MSI2: variants seen among roughly 807,000 people sequenced by gnomAD.
MSI2 encodes the protein musashi RNA binding protein 2, also known as RNA-binding protein Musashi homolog 2.
In MSI2, 17 loss-of-function variants were observed where a neutral mutation model predicts 45.6. The ratio of observed to expected loss-of-function variants is 0.37; its 90% confidence interval spans 0.26 to 0.56. The LOEUF is 0.56. Among genes scored for constraint, MSI2 ranks in the 20% least tolerant of loss-of-function variants. The pLI is 0.77. For missense variants in MSI2, 293 were observed against 444.2 expected, an observed-to-expected ratio of 0.66 and a Z score of 3.06; for synonymous variants, 156 against 158.2, an observed-to-expected ratio of 0.99 and a Z score of 0.11.
chr17:57,679,773 G>A lies in MSI2; in HGVS notation c.*256G>A. 3.5e-6 allele frequency: 1 copy of A among 288,750 alleles called. No homozygotes were observed. 17.9% of individuals were successfully genotyped at this position (288,750 alleles called of 1,614,324 possible). On this transcript the variant is annotated 3_prime_UTR_variant, in exon 14 of 14. Transcript: ENST00000284073. Reference sequence around the variant, plus strand: ...TAACCCATGATTTCGGTTTTGTTTTGTTTTGTTTTTCTTGATGGTTTCCCT... The same window carrying A: ...TAACCCATGATTTCGGTTTTGTTTTATTTTGTTTTTCTTGATGGTTTCCCT...
chr17:57,669,861 C>T (rs948618257), intron 11 of MSI2, among the ~76,000 whole-genome samples: 1 of 152,166 alleles, frequency 6.6e-6, no homozygotes, highest in Non-Finnish European at 1.5e-5. Context: ...AGGGAAGAGT[C>T]TCTCTCCCGG....
intron 5 of MSI2, among the ~76,000 whole-genome samples, chr17:57,289,297 A>G (rs532430238): frequency 6.6e-6 from 1 of 152,128 alleles, no homozygotes; most frequent in East Asian, 1.9e-4. Flanking sequence ...TGGAGTGGGA[A>G]CTTCTTTTAG....
chr17:57,344,764 A>G (rs1399519542), intron 5 of MSI2, among the ~76,000 whole-genome samples: 1 of 152,230 alleles, frequency 6.6e-6, no homozygotes, highest in Non-Finnish European at 1.5e-5. Flanking sequence ...AGTTTGCTCA[A>G]TCCTTAATAC....
At chr17:57,523,870 G>A (rs2086645180) in intron 6 of MSI2, among the ~76,000 whole-genome samples, 1 of 152,122 alleles carries the variant, frequency 6.6e-6, no homozygotes, top group Admixed American at 6.5e-5. Context: ...TTTCTTTGTT[G>A]TTTTGGGGGA....
chr17:57,544,436 CTCTTT>C (rs1029486308), intron 7 of MSI2, among the ~76,000 whole-genome samples: 4 of 152,140 alleles, frequency 2.6e-5, no homozygotes, highest in Non-Finnish European at 4.4e-5. Flanking sequence ...GGTTCATCCC[CTCTTT>C]TCTTTTCTTT....
rs1157414602 is a variant in MSI2 at position 57,256,760 on chromosome 17, C to T, written c.18C>T (p.Ser6=). The T allele has an allele frequency of 2.0e-6, 3 of 1,474,016 alleles. No homozygotes were observed. Among genetic ancestry groups the T allele is most frequent in the Non-Finnish European group, 2.7e-6 (3 of 1,113,520 alleles). 91.3% of individuals were successfully genotyped at this position (1,474,016 alleles called of 1,614,324 possible). Residue 6 remains serine, a synonymous_variant, in exon 1 of 14, where the codon AGC becomes AGT. Coordinates refer to ENST00000284073, the MANE Select transcript of MSI2 (RefSeq NM_138962.4). Reference sequence around the variant, plus strand: ...GCTCAGATATGGAGGCAAATGGGAGCCAAGGCACCTCGGGCAGCGCCAACG... The same window carrying T: ...GCTCAGATATGGAGGCAAATGGGAGTCAAGGCACCTCGGGCAGCGCCAACG... MEANG[S]QGTSGSANDS... is the part of the protein sequence containing the mutation.
intron 5 of MSI2, among the ~76,000 whole-genome samples, chr17:57,398,062 C>T (rs984873735): frequency 6.6e-6 from 1 of 151,834 alleles, no homozygotes; most frequent in African/African-American, 2.4e-5. Context: ...ATGGCTGCCT[C>T]TGTGTTTAGG....
At chr17:57,332,306 A>G (rs1567762047) in intron 5 of MSI2, among the ~76,000 whole-genome samples, 1 of 152,038 alleles carries the variant, frequency 6.6e-6, no homozygotes, top group Non-Finnish European at 1.5e-5. Context: ...TCTCCATGTT[A>G]GCCAGGCTGG....
chr17:57,567,924 C>T (rs2087776706), intron 7 of MSI2, among the ~76,000 whole-genome samples: 1 of 152,224 alleles, frequency 6.6e-6, no homozygotes. Context: ...CTGAATCCTT[C>T]CAATAACCTT....
At chr17:57,337,020 G>A (rs541960011) in intron 5 of MSI2, among the ~76,000 whole-genome samples, 2 of 152,256 alleles carry the variant, frequency 1.3e-5, no homozygotes, top group Admixed American at 6.5e-5. Context: ...TGGAGGTCTC[G>A]GCCACTCTCC....
chr17:57,566,897 G>A (rs370502989), intron 7 of MSI2, among the ~76,000 whole-genome samples: 3 of 152,178 alleles, frequency 2.0e-5, no homozygotes, highest in Non-Finnish European at 4.4e-5. Flanking sequence ...AGCAGTGCCC[G>A]CTGGGGAGGT....
chr17:57,589,258 A>G (rs972859712), intron 7 of MSI2, among the ~76,000 whole-genome samples: 1 of 152,176 alleles, frequency 6.6e-6, no homozygotes, highest in East Asian at 1.9e-4. Context: ...TTGTGCAGTG[A>G]TTTCCCAACA....
the MSI2 span, among the ~76,000 whole-genome samples, chr17:57,700,700 C>T: frequency 3.3e-5 from 5 of 152,054 alleles, no homozygotes; most frequent in Non-Finnish European, 5.9e-5. Flanking sequence ...GTCAGGAGTT[C>T]GAGACCAGCC....
At chr17:57,450,287 GAAAGAAA>G (rs2084983844) in intron 6 of MSI2, 1 of 63,172 alleles carries the variant, frequency 1.6e-5, no homozygotes, top group Non-Finnish European at 4.5e-5. Flanking sequence ...AAGAAAGAAA[GAAAGAAA>G]GAAAGAAAGA....
chr17:57,307,104 G>C, intron 5 of MSI2, among the ~76,000 whole-genome samples: 1 of 152,148 alleles, frequency 6.6e-6, no homozygotes, highest in Non-Finnish European at 1.5e-5. Flanking sequence ...TAAATCCTTA[G>C]GAGTTTTTCC....
intron 6 of MSI2, among the ~76,000 whole-genome samples, chr17:57,403,818 G>C (rs1356333726): frequency 1.3e-5 from 2 of 152,046 alleles, no homozygotes; most frequent in African/African-American, 4.8e-5. Flanking sequence ...GCTGGGCCTT[G>C]GGAGCACTAC....
At chr17:57,542,778 C>T (rs182737988) in intron 7 of MSI2, among the ~76,000 whole-genome samples, 80 of 152,346 alleles carry the variant, frequency 5.3e-4, no homozygotes, top group African/African-American at 1.9e-3. Flanking sequence ...TCTGGGCAGT[C>T]TGGCACGTGT....
At chr17:57,264,770 T>C (rs937489622) in intron 5 of MSI2, 24 of 152,254 alleles carry the variant, frequency 1.6e-4, no homozygotes, top group African/African-American at 5.1e-4. Flanking sequence ...CCTTCACCAC[T>C]GTGCCATGCT....
chr17:57,568,425 C>T (rs763453309), intron 7 of MSI2, among the ~76,000 whole-genome samples: 1 of 152,132 alleles, frequency 6.6e-6, no homozygotes, highest in Non-Finnish European at 1.5e-5. Context: ...CTGTCTCAGT[C>T]CCCAGATCTT....
Sources: gnomAD v4.1 joint callset for allele counts (sites outside exome capture counted in the v4.1 genomes callset) on GRCh38, gnomAD v4.1.1 for gene constraint, MANE v1.5 for transcripts, NCBI Gene and HGNC (gene_info 2026-07-23, HGNC 2026-07-21) for gene names.